COX10: variants seen among roughly 807,000 people sequenced by gnomAD.
COX10 encodes the protein cytochrome c oxidase assembly factor heme A:farnesyltransferase COX10, also known as protoheme IX farnesyltransferase, mitochondrial.
COX10 carries 27 observed loss-of-function variants against 37.3 expected under a neutral mutation model. That is an observed-to-expected ratio of 0.72 (90% CI 0.53 to 1.00). The LOEUF is 1.00. COX10 is among the 50% of genes least tolerant of loss of function. The pLI is 0.00. For synonymous variants in COX10, 222 were observed against 229.1 expected (o/e 0.97, Z 0.28); for missense variants, 475 against 563.2 (o/e 0.84, Z 1.59).
chr17:14,070,304 CTTCT>C (rs984116630), intron 1 of COX10, among the ~76,000 whole-genome samples: 6 of 152,292 alleles, frequency 3.9e-5, no homozygotes, highest in Admixed American at 6.5e-5. Context: ...GGGCCCCCTA[CTTCT>C]TTCTTTTCAC....
intron 5 of COX10, among the ~76,000 whole-genome samples, chr17:14,188,193 G>GTTTT (rs1906094903): frequency 1.1e-5 from 1 of 93,666 alleles, no homozygotes; most frequent in Admixed American, 1.2e-4. Flanking sequence ...AATAAAGCTA[G>GTTTT]TTTTTTAGAG....
intron 4 of COX10, among the ~76,000 whole-genome samples, chr17:14,134,792 G>A (rs1207132501): frequency 6.7e-6 from 1 of 149,448 alleles, no homozygotes; most frequent in Admixed American, 6.7e-5. Context: ...TTTTTTTTAA[G>A]TTAAACTCTT....
At chr17:14,107,166 C>T (rs1915911856) in intron 4 of COX10, among the ~76,000 whole-genome samples, 1 of 151,948 alleles carries the variant, frequency 6.6e-6, no homozygotes, top group South Asian at 2.1e-4. Flanking sequence ...CCAAATGGTC[C>T]CTGGGGCCCC....
chr17:14,197,764 C>T (rs774566278), intron 6 of COX10, among the ~76,000 whole-genome samples: 1 of 152,266 alleles, frequency 6.6e-6, no homozygotes, highest in Non-Finnish European at 1.5e-5. Flanking sequence ...AGTGCTGTGC[C>T]GCAAAGCATG....
chr17:14,169,588 A>G (rs1905396807), intron 5 of COX10, among the ~76,000 whole-genome samples: 1 of 152,216 alleles, frequency 6.6e-6, no homozygotes, highest in African/African-American at 2.4e-5. Flanking sequence ...ACAGTTCCAC[A>G]TGGCTGGGGA....
At chr17:14,076,105 T>A (rs1915142972) in intron 2 of COX10, among the ~76,000 whole-genome samples, 1 of 120,970 alleles carries the variant, frequency 8.3e-6, no homozygotes, top group Non-Finnish European at 1.6e-5. Flanking sequence ...TTGGGCTCTT[T>A]TTTGTCTTTT....
At chr17:14,073,125 A>T (rs1295192052) in intron 1 of COX10, among the ~76,000 whole-genome samples, 2 of 152,196 alleles carry the variant, frequency 1.3e-5, no homozygotes, top group African/African-American at 4.8e-5. Flanking sequence ...GTATTTAGTA[A>T]TATGTAACAG....
intron 6 of COX10, among the ~76,000 whole-genome samples, chr17:14,202,241 A>G (rs1486162815): frequency 4.4e-5 from 4 of 91,682 alleles, no homozygotes; most frequent in Admixed American, 1.1e-4. Flanking sequence ...TTTTTTTTTT[A>G]AGAATTGATG....
chr17:14,132,468 C>T (rs933621365), intron 4 of COX10, among the ~76,000 whole-genome samples: 1 of 151,924 alleles, frequency 6.6e-6, no homozygotes, highest in Non-Finnish European at 1.5e-5. Flanking sequence ...CTTTATATCA[C>T]TTTGCATTTA....
intron 2 of COX10, among the ~76,000 whole-genome samples, chr17:14,075,637 A>T (rs1323729826): frequency 6.6e-6 from 1 of 152,196 alleles, no homozygotes; most frequent in African/African-American, 2.4e-5. Context: ...TAATTTTGCT[A>T]GTAAGTGGTA....
intron 4 of COX10, among the ~76,000 whole-genome samples, chr17:14,154,363 G>C (rs1037284371): frequency 6.6e-6 from 1 of 152,220 alleles, no homozygotes; most frequent in East Asian, 1.9e-4. Context: ...ATACCGACTA[G>C]AGTGACATTG....
intron 6 of COX10, among the ~76,000 whole-genome samples, chr17:14,196,749 C>A (rs564306856): frequency 2.7e-4 from 41 of 152,314 alleles, no homozygotes; most frequent in African/African-American, 9.6e-4. Flanking sequence ...CCACTTCCTT[C>A]TCTCTCCACT....
At chr17:14,114,644 G>A (rs1916072578) in intron 4 of COX10, among the ~76,000 whole-genome samples, 1 of 152,092 alleles carries the variant, frequency 6.6e-6, no homozygotes, top group African/African-American at 2.4e-5. Context: ...TTAGGTGTTT[G>A]ATGAATACTT....
chr17:14,091,044 T>C (rs930798418), intron 3 of COX10, among the ~76,000 whole-genome samples: 1 of 152,232 alleles, frequency 6.6e-6, no homozygotes, highest in South Asian at 2.1e-4. Flanking sequence ...ATTATTTTAC[T>C]GTACTGTAGT....
intron 4 of COX10, among the ~76,000 whole-genome samples, chr17:14,117,138 A>G (rs1381743116): frequency 2.6e-5 from 4 of 152,234 alleles, no homozygotes; most frequent in African/African-American, 7.2e-5. Flanking sequence ...TAGCATGAAG[A>G]TATTTTATTT....
At chr17:14,135,426 A>G (rs1467622444) in intron 4 of COX10, among the ~76,000 whole-genome samples, 4 of 151,890 alleles carry the variant, frequency 2.6e-5, no homozygotes, top group Admixed American at 2.6e-4. Flanking sequence ...TTTACCGTGT[A>G]TAAAGAATCA....
intron 4 of COX10, among the ~76,000 whole-genome samples, chr17:14,141,511 C>CAG (rs1240765669): frequency 8.5e-6 from 1 of 117,036 alleles, no homozygotes; most frequent in African/African-American, 3.3e-5. Flanking sequence ...GCCTCAGTGT[C>CAG]AGAGCCAGTC....
chr17:14,187,107 C>T (rs933896309), intron 5 of COX10, among the ~76,000 whole-genome samples: 1 of 151,558 alleles, frequency 6.6e-6, no homozygotes, highest in Non-Finnish European at 1.5e-5. Flanking sequence ...GAAGATGGTG[C>T]TCTCATATAG....
chr17:14,207,563 C>A lies in COX10; in HGVS notation c.*350C>A. On this transcript the variant is annotated 3_prime_UTR_variant, in exon 7 of 7. Coordinates refer to ENST00000261643, the MANE Select transcript of COX10 (RefSeq NM_001303.4). ...GTTCCATCCTTACCACCACACCACACGCACACTCCACATGCCCAGCAGAGT... is the reference window on the plus strand; with the variant it reads ...GTTCCATCCTTACCACCACACCACAAGCACACTCCACATGCCCAGCAGAGT... 1 of 221,484 alleles carries A rather than the reference C, an allele frequency of 4.5e-6. No individual in the cohort carries two copies. The highest frequency in any genetic ancestry group is 8.4e-5 in the South Asian group (1 of 11,918). The allele number at this position is 221,484 out of a possible 1,614,324, so 13.7% of individuals were successfully genotyped here.
Sources: allele counts gnomAD v4.1 joint callset (sites outside exome capture counted in the v4.1 genomes callset), GRCh38; gene constraint gnomAD v4.1.1; transcripts MANE v1.5; gene names NCBI Gene and HGNC (gene_info 2026-07-23, HGNC 2026-07-21).